RIGI: variants seen among roughly 807,000 people sequenced by gnomAD.
RIGI encodes antiviral innate immune response receptor RIG-I.
chr9:32,502,922 C>A, the RIGI span, among the ~76,000 whole-genome samples: 3 of 152,204 alleles, frequency 2.0e-5, no homozygotes, highest in Admixed American at 2.0e-4. Flanking sequence ...ATGACCTCAT[C>A]GTAACTAATT....
the RIGI span, among the ~76,000 whole-genome samples, chr9:32,501,325 C>A: frequency 1.2e-3 from 143 of 121,838 alleles, no homozygotes; most frequent in East Asian, 2.8e-3. Flanking sequence ...CCAGCCTCTA[C>A]AAAAAAAAAA....
chr9:32,505,229 G>A, the RIGI span, among the ~76,000 whole-genome samples: 6 of 151,684 alleles, frequency 4.0e-5, no homozygotes, highest in African/African-American at 1.5e-4. Flanking sequence ...CAAAAGGTAT[G>A]TGGACAGAGA....
the RIGI span, chr9:32,477,274 A>T: frequency 1.1e-6 from 1 of 902,584 alleles, no homozygotes; most frequent in East Asian, 2.6e-5. Context: ...TTAAATTGGT[A>T]CAACCTTTTA....
At chr9:32,505,044 AAT>A in the RIGI span, among the ~76,000 whole-genome samples, 2 of 143,232 alleles carry the variant, frequency 1.4e-5, no homozygotes, top group African/African-American at 5.1e-5. Context: ...ATAGATATAT[AAT>A]ATATAATTTT....
the RIGI span, among the ~76,000 whole-genome samples, chr9:32,501,325 CAA>C: frequency 0.071 from 8,652 of 121,758 alleles, 721 homozygotes; most frequent in African/African-American, 0.25. Flanking sequence ...CCAGCCTCTA[CAA>C]AAAAAAAAAA....
the RIGI span, among the ~76,000 whole-genome samples, chr9:32,501,908 C>T: frequency 6.6e-6 from 1 of 152,156 alleles, no homozygotes; most frequent in Admixed American, 6.5e-5. Context: ...ATAAAATCAA[C>T]CCTTTCAAAA....
the RIGI span, among the ~76,000 whole-genome samples, chr9:32,510,894 T>C: frequency 5.3e-5 from 8 of 151,078 alleles, no homozygotes; most frequent in African/African-American, 2.0e-4. Flanking sequence ...TGGAGGAAGA[T>C]TTACCAAGCA....
At chr9:32,495,156 T>C in the RIGI span, among the ~76,000 whole-genome samples, 3 of 152,292 alleles carry the variant, frequency 2.0e-5, no homozygotes, top group Non-Finnish European at 4.4e-5. Context: ...AGGCACAGGG[T>C]TGCAGTTTCT....
the RIGI span, among the ~76,000 whole-genome samples, chr9:32,486,987 G>A: frequency 9.8e-5 from 15 of 152,304 alleles, no homozygotes; most frequent in South Asian, 1.2e-3. Context: ...TTCAGGGTTA[G>A]TGTAATAATA....
the RIGI span, among the ~76,000 whole-genome samples, chr9:32,512,642 T>C: frequency 2.6e-5 from 4 of 152,116 alleles, no homozygotes; most frequent in Non-Finnish European, 5.9e-5. Flanking sequence ...TGGAAGCATT[T>C]CCTTTGAAAA....
At chr9:32,499,894 A>G in the RIGI span, among the ~76,000 whole-genome samples, 1 of 152,176 alleles carries the variant, frequency 6.6e-6, no homozygotes, top group Non-Finnish European at 1.5e-5. Flanking sequence ...GGCTGGGACT[A>G]CAGGCACACG....
the RIGI span, among the ~76,000 whole-genome samples, chr9:32,458,889 C>CTT: frequency 0.019 from 2,369 of 124,976 alleles, 108 homozygotes; most frequent in African/African-American, 0.061. Flanking sequence ...TTTAGCATGA[C>CTT]TTTTTTTTTT....
the RIGI span, among the ~76,000 whole-genome samples, chr9:32,461,227 G>A: frequency 6.6e-6 from 1 of 152,184 alleles, no homozygotes; most frequent in South Asian, 2.1e-4. Context: ...AAATAAAGGA[G>A]AAATGAAGAC....
At chr9:32,469,309 T>C in the RIGI span, among the ~76,000 whole-genome samples, 3 of 152,214 alleles carry the variant, frequency 2.0e-5, no homozygotes, top group South Asian at 4.1e-4. Flanking sequence ...CACTGATTTA[T>C]ACACAGCCTG....
At chr9:32,494,555 C>T in the RIGI span, among the ~76,000 whole-genome samples, 4 of 152,004 alleles carry the variant, frequency 2.6e-5, no homozygotes, top group Non-Finnish European at 5.9e-5. Flanking sequence ...ACAGATAAAA[C>T]ATTTACCATC....
the RIGI span, chr9:32,467,652 G>T: frequency 1.8e-6 from 2 of 1,100,368 alleles, no homozygotes; most frequent in Non-Finnish European, 2.5e-6. Flanking sequence ...CTGTGCCATT[G>T]GTCACATACT....
At chr9:32,510,451 A>T in the RIGI span, among the ~76,000 whole-genome samples, 4 of 152,236 alleles carry the variant, frequency 2.6e-5, no homozygotes, top group African/African-American at 9.6e-5. Flanking sequence ...CTTAAAGACA[A>T]GAATTTTCAA....
chr9:32,511,367 G>A, the RIGI span, among the ~76,000 whole-genome samples: 17 of 151,872 alleles, frequency 1.1e-4, no homozygotes, highest in Non-Finnish European at 2.2e-4. Flanking sequence ...GCAAAAGAAC[G>A]GAAATCATAA....
chr9:32,495,082 T>C, the RIGI span, among the ~76,000 whole-genome samples: 1 of 152,240 alleles, frequency 6.6e-6, no homozygotes, highest in Non-Finnish European at 1.5e-5. Flanking sequence ...ATATTTTCAA[T>C]TTTTTGAGGG....
Sources: allele counts gnomAD v4.1 joint callset (sites outside exome capture counted in the v4.1 genomes callset), GRCh38; gene constraint gnomAD v4.1.1; transcripts MANE v1.5; gene names NCBI Gene and HGNC (gene_info 2026-07-23, HGNC 2026-07-21).